Variants in MEIOC observed in about 807,000 individuals in gnomAD.
MEIOC encodes meiosis-specific coiled-coil domain-containing protein MEIOC.
A neutral mutation model predicts 85.3 loss-of-function variants in MEIOC; 9 were observed. The observed-to-expected ratio is 0.11, with a 90% CI of 0.06 to 0.18. The LOEUF is 0.18. Ranked by LOEUF, MEIOC falls within the 10% of genes least tolerant of loss-of-function variation. MEIOC has a pLI of 1.00. For synonymous variants in MEIOC, 365 were observed against 393.7 expected (o/e 0.93, Z 0.86); for missense variants, 898 against 1,129.4 (o/e 0.80, Z 2.94).
chr17:44,668,434 G>C (rs1214063180), intron 5 of MEIOC, among the ~76,000 whole-genome samples: 1 of 152,090 alleles, frequency 6.6e-6, no homozygotes, highest in Non-Finnish European at 1.5e-5. Flanking sequence ...CAAACTCCTG[G>C]GCTCAAGCAA....
Position 44,668,038 on chromosome 17 carries a change from A to C in MEIOC, c.2127A>C (p.Leu709Phe). ...SVVPLLDSYD[L>F]LSYDDLSHLY... Reference sequence around the variant, plus strand: ...TTCCACTGTTGGATTCCTATGACTTACTTTCTTATGATGACTTAAGCCATT... The same window carrying C: ...TTCCACTGTTGGATTCCTATGACTTCCTTTCTTATGATGACTTAAGCCATT... Residue 709 changes from leucine (L) to phenylalanine (F), a missense_variant, in exon 5 of 8, where the codon TTA (leucine) becomes TTC (phenylalanine). Around this residue, in one of 2 missense-constraint regions of MEIOC, gnomAD observed 734 missense variants for 860.1 expected, o/e 0.85. Transcript: ENST00000409122. 6.2e-7 allele frequency: 1 copy of C among 1,613,532 alleles called. No homozygotes were observed. Among genetic ancestry groups the C allele is most frequent in the Non-Finnish European group, 8.5e-7 (1 of 1,179,592 alleles).
intron 6 of MEIOC, among the ~76,000 whole-genome samples, chr17:44,671,443 G>C (rs1472547029): frequency 6.6e-6 from 1 of 151,780 alleles, no homozygotes; most frequent in African/African-American, 2.4e-5. Flanking sequence ...CCAGCTACTC[G>C]GAAGGCTTAG....
intron 2 of MEIOC, among the ~76,000 whole-genome samples, chr17:44,658,103 C>T (rs1415269016): frequency 6.6e-6 from 1 of 151,536 alleles, no homozygotes; most frequent in Non-Finnish European, 1.5e-5. Flanking sequence ...CCTCCCGCCT[C>T]GGCCTCCCAA....
chr17:44,676,855 T>C (rs1476854820), downstream of MEIOC: 5 of 653,436 alleles, frequency 7.7e-6, no homozygotes, highest in Admixed American at 6.3e-5. Context: ...TTTGCAATAC[T>C]GAACATTTTA....
At chr17:44,669,658 G>A (rs1971971502) in intron 6 of MEIOC, 141 bp downstream of exon 6, 3 of 752,972 alleles carry the variant, frequency 4.0e-6, no homozygotes, top group South Asian at 1.8e-5. Context: ...TCAGGAGTTC[G>A]AGACCAGCCT....
At position 44,674,496 on chromosome 17, in the gene MEIOC, A is replaced by C; in HGVS notation, c.*300A>C. 9.3e-7 allele frequency: 1 copy of C among 1,074,126 alleles called. No homozygotes were observed. The highest frequency in any genetic ancestry group is 1.1e-6 in the Non-Finnish European group (1 of 884,992). The allele number at this position is 1,074,126 out of a possible 1,614,324, so 66.5% of individuals were successfully genotyped here. On this transcript the variant is annotated 3_prime_UTR_variant, in exon 8 of 8. Transcript: ENST00000409122. ...TGTGCTTAAACTCATTCTGCCATGC[A>C]GGTAAATGCAAATGTGAAATTCTTC...
intron 6 of MEIOC, 100 bp downstream of exon 6, chr17:44,669,617 T>C: frequency 8.0e-7 from 1 of 1,248,810 alleles, no homozygotes; most frequent in Non-Finnish European, 1.1e-6. Context: ...CCCACCACTT[T>C]GGGAGGCCGA....
At chr17:44,664,614 A>G (rs1971882448) in intron 3 of MEIOC, among the ~76,000 whole-genome samples, 2 of 152,192 alleles carry the variant, frequency 1.3e-5, no homozygotes, top group South Asian at 4.1e-4. Flanking sequence ...AAAACCTGAA[A>G]TCCAAAACAC....
chr17:44,663,674 C>G (rs939374318), intron 3 of MEIOC, among the ~76,000 whole-genome samples: 2 of 152,184 alleles, frequency 1.3e-5, no homozygotes, highest in East Asian at 1.9e-4. Flanking sequence ...ACCTTCTCCC[C>G]CCGCCACCCA....
Position 44,656,503 on chromosome 17 carries a change from G to A in MEIOC, c.-111G>A, listed in dbSNP as rs992554719. On this transcript the variant is annotated 5_prime_UTR_variant, in exon 1 of 8. Coordinates refer to ENST00000409122, the MANE Select transcript of MEIOC (RefSeq NM_001145080.3). The stretch of plus-strand genomic sequence containing the variant: ...CAGGCAGCGCCCGGGCGGCGGAGGC[G>A]GCTGCGGAGACGGCGGGGTGCGGGC... 3.5e-5 allele frequency: 31 copies of A among 895,648 alleles called. No individual in the cohort carries two copies. The African/African-American group carries it at 5.1e-4, about 15-fold the overall frequency. 55.5% of individuals were successfully genotyped at this position (895,648 alleles called of 1,614,324 possible).
intron 2 of MEIOC, among the ~76,000 whole-genome samples, 191 bp downstream of exon 2, chr17:44,657,452 C>T (rs1434016989): frequency 6.9e-6 from 1 of 145,354 alleles, no homozygotes; most frequent in African/African-American, 2.6e-5. Context: ...GGCGCCATCT[C>T]GGCTCACTGC....
chr17:44,676,960 A>C (rs1332633679), downstream of MEIOC: 1 of 984,674 alleles, frequency 1.0e-6, no homozygotes, highest in African/African-American at 1.7e-5. Flanking sequence ...CATTAGTTTG[A>C]GAGTATACTT....
chr17:44,666,293 T>C lies in MEIOC; in HGVS notation c.465-83T>C, dbSNP rs992567060. On this transcript the variant is annotated intron_variant, in intron 4 of 7. Coordinates refer to ENST00000409122, the MANE Select transcript of MEIOC (RefSeq NM_001145080.3). ...GTGACATGGGGCAAGATAAATGTTT[T>C]TGAAGACCTTTTCTCCCTTTTCCAC... The C allele has an allele frequency of 2.5e-6, 3 of 1,194,672 alleles. No individual in the cohort carries two copies. The African/African-American group carries it at 4.6e-5, about 18-fold the overall frequency. 74.0% of individuals were successfully genotyped at this position (1,194,672 alleles called of 1,614,324 possible).
rs868626041 is a variant in MEIOC at position 44,674,369 on chromosome 17, C to T, written c.*173C>T. 1.4e-5 allele frequency: 20 copies of T among 1,394,734 alleles called. No homozygotes were observed. Among genetic ancestry groups the T allele is most frequent in the African/African-American group, 1.2e-4 (8 of 69,010 alleles). The allele number at this position is 1,394,734 out of a possible 1,614,324, so 86.4% of individuals were successfully genotyped here. A position where few individuals can be genotyped will look rare whatever the true frequency, so the allele number is the denominator to read the frequency against. On this transcript the variant is annotated 3_prime_UTR_variant, in exon 8 of 8. Coordinates refer to ENST00000409122, the MANE Select transcript of MEIOC (RefSeq NM_001145080.3). ...AAAAATCTTCTATTTGAAGTGAATCCGATATAGTTTTAAGTAAACGCAAAG... is the reference window on the plus strand; with the variant it reads ...AAAAATCTTCTATTTGAAGTGAATCTGATATAGTTTTAAGTAAACGCAAAG...
Position 44,665,438 on chromosome 17 carries a change from G to C in MEIOC, c.414G>C (p.Val138=), listed in dbSNP as rs1444036444. Residue 138 remains valine, a synonymous_variant, in exon 4 of 8, where the codon GTG becomes GTC. Coordinates refer to ENST00000409122, the MANE Select transcript of MEIOC (RefSeq NM_001145080.3). ...GTGAAACAGACTTATATGGACTTGT[G>C]TCTAACATTTTGGAAGAACAAGATA... ...YGSETDLYGL[V]SNILEEQDKS... The C allele has an allele frequency of 1.3e-6, 2 of 1,545,730 alleles. No homozygotes were observed. Among genetic ancestry groups the C allele is most frequent in the Admixed American group, 4.0e-5 (2 of 50,612 alleles).
chr17:44,665,146 G>A lies in MEIOC; in HGVS notation c.360-238G>A, dbSNP rs968536731. 1.3e-4 allele frequency: 137 copies of A among 1,055,836 alleles called. No individual in the cohort carries two copies. The African/African-American group carries it at 2.0e-3, about 16-fold the overall frequency. 65.4% of individuals were successfully genotyped at this position (1,055,836 alleles called of 1,614,324 possible). On this transcript the variant is annotated intron_variant, in intron 3 of 7. Coordinates refer to ENST00000409122, the MANE Select transcript of MEIOC (RefSeq NM_001145080.3). The stretch of plus-strand genomic sequence containing the variant: ...TTGTGGAGAAATAAGAGGTAAGCAT[G>A]CACTGTAAGTTAGATATAGGATTTG...
rs1020286861 is a variant in MEIOC, at chr17:44,669,536, T to C, written c.2457+19T>C. 2.6e-5 allele frequency: 40 copies of C among 1,551,040 alleles called. No homozygotes were observed. In the Admixed American group the frequency reaches 7.7e-4, roughly 30 times the overall value. On this transcript the variant is annotated intron_variant, in intron 6 of 7. Transcript: ENST00000409122. ...AGCCAGAGTAAGCTGTAAAAATAGA[T>C]AACAGTGGATGGATTTTTTGTTAAA...
intron 2 of MEIOC, among the ~76,000 whole-genome samples, chr17:44,661,225 T>A (rs1971836959): frequency 6.8e-6 from 1 of 146,442 alleles, no homozygotes; most frequent in Admixed American, 7.1e-5. Context: ...GAGGCAGAGG[T>A]TGCAGTGAGC....
chr17:44,673,754 TCTA>T, intron 7 of MEIOC: 1 of 710,088 alleles, frequency 1.4e-6, no homozygotes, highest in East Asian at 2.7e-5. Flanking sequence ...CAGTCTGTGT[TCTA>T]CTCAAACTAT....
Sources: allele counts gnomAD v4.1 joint callset (sites outside exome capture counted in the v4.1 genomes callset), GRCh38; gene constraint gnomAD v4.1.1; regional missense constraint gnomAD v4.1.1; transcripts MANE v1.5; gene names NCBI Gene and HGNC (gene_info 2026-07-23, HGNC 2026-07-21).